FBXO11: variants seen among roughly 807,000 people sequenced by gnomAD.
FBXO11 encodes F-box protein 11, also known as F-box only protein 11.
A neutral mutation model predicts 117.0 loss-of-function variants in FBXO11; 13 were observed. The observed-to-expected ratio is 0.11, with a 90% CI of 0.07 to 0.18. The LOEUF is 0.18. FBXO11 is among the 10% of genes least tolerant of loss of function. FBXO11 has a pLI of 1.00. For synonymous variants in FBXO11, 490 were observed against 380.5 expected (o/e 1.29, Z -3.35); for missense variants, 767 against 1,164.4 (o/e 0.66, Z 4.97).
chr2:47,874,631 T>A (rs1027822438), intron 1 of FBXO11, among the ~76,000 whole-genome samples: 1 of 152,258 alleles, frequency 6.6e-6, no homozygotes, highest in African/African-American at 2.4e-5. Flanking sequence ...AACTCCTGGG[T>A]TGAAACAATT....
At chr2:47,864,706 T>C (rs537675417) in intron 1 of FBXO11, among the ~76,000 whole-genome samples, 1 of 152,186 alleles carries the variant, frequency 6.6e-6, no homozygotes, top group Non-Finnish European at 1.5e-5. Context: ...TGAATAAAAG[T>C]CCACAGAGGT....
intron 22 of FBXO11, 37 bp downstream of exon 22, chr2:47,808,291 AG>A (rs1432895370): frequency 6.2e-7 from 1 of 1,612,624 alleles, no homozygotes; most frequent in African/African-American, 1.3e-5. Flanking sequence ...TGAGGGGGAA[AG>A]TAATTGGGTA....
At chr2:47,819,824 T>C (rs1175853043) in intron 14 of FBXO11, among the ~76,000 whole-genome samples, 1 of 152,194 alleles carries the variant, frequency 6.6e-6, no homozygotes, top group Non-Finnish European at 1.5e-5. Context: ...TAAATGAAAA[T>C]TAAAAGTAAT....
intron 1 of FBXO11, among the ~76,000 whole-genome samples, chr2:47,864,489 A>C (rs1373564273): frequency 6.6e-6 from 1 of 152,210 alleles, no homozygotes; most frequent in African/African-American, 2.4e-5. Flanking sequence ...CGGGAGGCTG[A>C]GGCAGGAGAA....
chr2:47,863,041 G>A (rs1674902361), intron 1 of FBXO11, among the ~76,000 whole-genome samples: 4 of 135,252 alleles, frequency 3.0e-5, no homozygotes, highest in Admixed American at 2.3e-4. Context: ...GGTGACAAGC[G>A]TAAAACTGTG....
In FBXO11 at chr2:47,887,678, T is replaced by C. The variant is rs1162823556; in HGVS notation, c.232+17811A>G. ...GAGTTCAAGGCCATTCTGGGCAACA[T>C]GGTGAAATCTCGTCTTTACAAAAAA... is the stretch of plus-strand genomic sequence containing the variant. On this transcript the variant is annotated intron_variant, in intron 1 of 22. Transcript: ENST00000403359. Among the ~76,000 whole-genome samples the C allele has an allele frequency of 2.6e-5, 4 of 152,010 alleles. No homozygotes were observed. The East Asian group carries it at 7.8e-4, about 30-fold the overall frequency.
intron 1 of FBXO11, among the ~76,000 whole-genome samples, chr2:47,898,150 T>C (rs1254900353): frequency 6.6e-6 from 1 of 152,242 alleles, no homozygotes; most frequent in Admixed American, 6.5e-5. Flanking sequence ...TGCTTTAACA[T>C]GCTATCTTAT....
intron 1 of FBXO11, among the ~76,000 whole-genome samples, chr2:47,895,157 G>A (rs1677561741): frequency 6.6e-6 from 1 of 152,012 alleles, no homozygotes. Context: ...AAATGTGTAA[G>A]AATGCTCACA....
chr2:47,823,476 T>A, intron 11 of FBXO11, 116 bp from the exon 12 acceptor site: 2 of 823,182 alleles, frequency 2.4e-6, no homozygotes, highest in South Asian at 3.8e-5. Flanking sequence ...CATTTAAGGC[T>A]GGGCGTGGTG....
intron 1 of FBXO11, 124 bp downstream of exon 1, chr2:47,905,365 C>T: frequency 1.0e-6 from 1 of 986,342 alleles, no homozygotes; most frequent in Non-Finnish European, 1.3e-6. Flanking sequence ...CGCCTCCGCT[C>T]AGCTTGGGTC....
chr2:47,820,755 T>C (rs576748239), intron 13 of FBXO11, among the ~76,000 whole-genome samples: 44 of 152,348 alleles, frequency 2.9e-4, no homozygotes, highest in African/African-American at 9.4e-4. Flanking sequence ...GTAAGTATCT[T>C]TGTGCCTCTG....
At chr2:47,863,616 T>C (rs945648491) in intron 1 of FBXO11, among the ~76,000 whole-genome samples, 2 of 152,142 alleles carry the variant, frequency 1.3e-5, no homozygotes, top group Non-Finnish European at 2.9e-5. Context: ...ATAACAGTTT[T>C]TCAAGGAATT....
intron 1 of FBXO11, among the ~76,000 whole-genome samples, chr2:47,892,949 T>C (rs72811519): frequency 0.25 from 37,620 of 151,882 alleles, 5,150 homozygotes; most frequent in African/African-American, 0.36. Flanking sequence ...ATTCAATAAA[T>C]AATTACCAGC....
At chr2:47,870,836 C>T (rs1675569727) in intron 1 of FBXO11, among the ~76,000 whole-genome samples, 1 of 152,188 alleles carries the variant, frequency 6.6e-6, no homozygotes, top group Non-Finnish European at 1.5e-5. Context: ...CTTCCTGCCA[C>T]TACAAATAAT....
intron 1 of FBXO11, among the ~76,000 whole-genome samples, chr2:47,868,163 AT>A (rs1434923726): frequency 5.3e-5 from 8 of 151,702 alleles, no homozygotes; most frequent in Non-Finnish European, 1.0e-4. Flanking sequence ...AGCAGCTGGG[AT>A]TCCAGCTATT....
At chr2:47,889,898 C>T (rs922308642) in intron 1 of FBXO11, among the ~76,000 whole-genome samples, 1 of 152,180 alleles carries the variant, frequency 6.6e-6, no homozygotes, top group Non-Finnish European at 1.5e-5. Flanking sequence ...CATCTTCCAT[C>T]ATTCAACAGG....
In FBXO11 at chr2:47,906,483, G is replaced by A. The variant is rs1299370177; in HGVS notation, c.-763C>T. On this transcript the variant is annotated 5_prime_UTR_variant, in exon 1 of 23. Transcript: ENST00000403359. ...GCAGGAGGAGCCATTGACACCGCCG[G>A]AGCCTCCACTCGCCCAGTCGGTCCC... Among the ~76,000 whole-genome samples, 3 of 151,422 alleles carry A rather than the reference G, an allele frequency of 2.0e-5. No homozygotes were observed. The highest frequency in any genetic ancestry group is 4.4e-5 in the Non-Finnish European group (3 of 67,834).
rs575455721 is a variant in FBXO11 at position 47,844,636 on chromosome 2, T to C, written c.233-4867A>G. On this transcript the variant is annotated intron_variant, in intron 1 of 22. Coordinates refer to ENST00000403359, the MANE Select transcript of FBXO11 (RefSeq NM_001190274.2). The stretch of plus-strand genomic sequence containing the variant: ...TTTAGTTATATGTTTATAGTTTTGT[T>C]CTTAATGCGTATTTCTTTTGTTCGT... 1.1e-4 allele frequency among the ~76,000 whole-genome samples: 17 copies of C among 152,300 alleles called. No homozygotes were observed. In the South Asian group the frequency reaches 3.3e-3, roughly 30 times the overall value.
At chr2:47,824,052 G>C (rs1671569974) in intron 11 of FBXO11, among the ~76,000 whole-genome samples, 1 of 152,086 alleles carries the variant, frequency 6.6e-6, no homozygotes, top group African/African-American at 2.4e-5. Flanking sequence ...CCTCTAATAA[G>C]TCCAAGTACA....
Sources: allele counts gnomAD v4.1 joint callset (sites outside exome capture counted in the v4.1 genomes callset), GRCh38; gene constraint gnomAD v4.1.1; transcripts MANE v1.5; gene names NCBI Gene and HGNC (gene_info 2026-07-23, HGNC 2026-07-21).